The following ACOT7 variants were observed in gnomAD, a reference collection of about 807,000 sequenced individuals.
ACOT7 encodes the protein acyl-CoA thioesterase 7, also known as cytosolic acyl coenzyme A thioester hydrolase.
Under a neutral mutation model 40.2 loss-of-function variants are expected in ACOT7, and 12 were observed. The ratio of observed to expected loss-of-function variants is 0.30; its 90% CI spans 0.19 to 0.48. The LOEUF is 0.48. ACOT7 is among the 20% of genes least tolerant of loss of function. The pLI, the probability that ACOT7 is intolerant of heterozygous loss-of-function variation, is 0.99. For missense variants in ACOT7, 395 were observed against 530.8 expected, an observed-to-expected ratio of 0.74 and a Z score of 2.51; for synonymous variants, 228 against 219.5, an observed-to-expected ratio of 1.04 and a Z score of -0.34.
At chr1:6,342,793 C>T (rs1462478838) in intron 2 of ACOT7, among the ~76,000 whole-genome samples, 3 of 152,212 alleles carry the variant, frequency 2.0e-5, no homozygotes, top group Non-Finnish European at 4.4e-5. Context: ...ATTTTCTGGG[C>T]CCAAGGACAA....
chr1:6,347,501 A>G (rs905024897), intron 2 of ACOT7, among the ~76,000 whole-genome samples: 4 of 152,206 alleles, frequency 2.6e-5, no homozygotes, highest in Non-Finnish European at 4.4e-5. Context: ...GCAGTGGCTC[A>G]CGCCTGTAAT....
chr1:6,359,683 C>T lies in ACOT7; in HGVS notation c.144-9817G>A, dbSNP rs1486650930. 6.6e-6 allele frequency among the ~76,000 whole-genome samples: 1 copy of T among 152,194 alleles called. No individual in the cohort carries two copies. Among genetic ancestry groups the T allele is most frequent in the African/African-American group, 2.4e-5 (1 of 41,450 alleles). Reference sequence around the variant, plus strand: ...ACAATCACAGCGGCCAGGGTGCAGGCTACAGGAGGCCCAGTGCAGGAGGCG... The same window carrying T: ...ACAATCACAGCGGCCAGGGTGCAGGTTACAGGAGGCCCAGTGCAGGAGGCG... On this transcript the variant is annotated intron_variant, in intron 1 of 8. Coordinates refer to ENST00000361521, the MANE Select transcript of ACOT7 (RefSeq NM_007274.4). This position sits in a 1 kb window ranked among gnomAD's most constrained non-coding sequence, Gnocchi z 4.1.
chr1:6,316,917 GC>G (rs1281680553), intron 6 of ACOT7, among the ~76,000 whole-genome samples: 2 of 152,170 alleles, frequency 1.3e-5, no homozygotes, highest in African/African-American at 4.8e-5. Flanking sequence ...GGGTGCTGGA[GC>G]CAACACAAAG....
chr1:6,332,463 T>C (rs534067058), intron 4 of ACOT7, among the ~76,000 whole-genome samples: 1 of 152,352 alleles, frequency 6.6e-6, no homozygotes, highest in East Asian at 1.9e-4. Flanking sequence ...TTCCACAGGC[T>C]TCGCCCACAG....
rs559353559 is a variant in ACOT7, at chr1:6,287,279, C to T, written c.830-5993G>A. On this transcript the variant is annotated intron_variant, in intron 7 of 8. Coordinates refer to ENST00000361521, the MANE Select transcript of ACOT7 (RefSeq NM_007274.4). Reference sequence around the variant, plus strand: ...ATGCCAGGTGGGGTTTAGGCCAGGTCGCTGGGGACACCAAAGCATGGGCTC... The same window carrying T: ...ATGCCAGGTGGGGTTTAGGCCAGGTTGCTGGGGACACCAAAGCATGGGCTC... 1.7e-4 allele frequency among the ~76,000 whole-genome samples: 26 copies of T among 152,372 alleles called. No homozygotes were observed. In the South Asian group the frequency reaches 4.6e-3, roughly 27 times the overall value.
At chr1:6,383,764 G>C (rs1642392039) in intron 1 of ACOT7, among the ~76,000 whole-genome samples, 1 of 151,310 alleles carries the variant, frequency 6.6e-6, no homozygotes, top group Admixed American at 6.6e-5. Context: ...GAGTGCAGTG[G>C]CACGATCTTG....
chr1:6,266,061 C>T (rs1638843047), intron 8 of ACOT7, among the ~76,000 whole-genome samples: 1 of 152,212 alleles, frequency 6.6e-6, no homozygotes, highest in Non-Finnish European at 1.5e-5. Context: ...ATAGGTGGCG[C>T]TCCTTGCAGC....
intron 6 of ACOT7, 50 bp from the exon 7 acceptor site, chr1:6,295,030 T>C: frequency 7.1e-7 from 1 of 1,415,040 alleles, no homozygotes; most frequent in Non-Finnish European, 1.0e-6. Context: ...CAGAGGAGAT[T>C]ATTTCACACC....
At chr1:6,313,469 T>TCAGACGCGCAAC (rs1191400109) in intron 6 of ACOT7, among the ~76,000 whole-genome samples, 11 of 152,176 alleles carry the variant, frequency 7.2e-5, no homozygotes, top group Non-Finnish European at 1.6e-4. Flanking sequence ...ACAAGTCTTT[T>TCAGACGCGCAAC]CAGACGCGCA....
Position 6,306,604 on chromosome 1 carries a change from C to T in ACOT7, c.713-11624G>A. On this transcript the variant is annotated intron_variant, in intron 6 of 8. Transcript: ENST00000361521. This position sits in a 1 kb window ranked among gnomAD's most constrained non-coding sequence, Gnocchi z 4.3. ...ACACCAAGATCCTAGAAGGCGAGTA[C>T]TAGAAGGAATTTAACTGCAGCCTGT... 1.0e-6 allele frequency: 1 copy of T among 985,436 alleles called. No homozygotes were observed. Among genetic ancestry groups the T allele is most frequent in the Middle Eastern group, 5.2e-4 (1 of 1,914 alleles). The allele number at this position is 985,436 out of a possible 1,614,324, so 61.0% of individuals were successfully genotyped here. A position where few individuals can be genotyped will look rare whatever the true frequency, so the allele number is the denominator to read the frequency against.
intron 1 of ACOT7, chr1:6,360,418 T>A: frequency 8.7e-7 from 1 of 1,147,310 alleles, no homozygotes; most frequent in East Asian, 2.6e-5. Context: ...TGGCTGCCCA[T>A]CTCGGCCCAT....
intron 8 of ACOT7, among the ~76,000 whole-genome samples, chr1:6,276,343 A>G (rs944996777): frequency 5.3e-5 from 8 of 152,040 alleles, no homozygotes; most frequent in Non-Finnish European, 1.2e-4. Flanking sequence ...CCACTTCTCC[A>G]GCCCCCTTCG....
chr1:6,330,656 G>A lies in ACOT7; in HGVS notation c.510+2821C>T, dbSNP rs529592736. ...AGCTAATTACTGGGCAAGGAGAGGCGAGGCTAACAGGGGCCACGCTGAAAG... is the reference window on the plus strand; with the variant it reads ...AGCTAATTACTGGGCAAGGAGAGGCAAGGCTAACAGGGGCCACGCTGAAAG... On this transcript the variant is annotated intron_variant, in intron 4 of 8. Coordinates refer to ENST00000361521, the MANE Select transcript of ACOT7 (RefSeq NM_007274.4). This position sits in a 1 kb window ranked among gnomAD's most constrained non-coding sequence, Gnocchi z 4.6. 2.0e-5 allele frequency among the ~76,000 whole-genome samples: 3 copies of A among 152,268 alleles called. No individual in the cohort carries two copies. The highest frequency in any genetic ancestry group is 1.3e-4 in the Admixed American group (2 of 15,294).
chr1:6,264,706 C>A lies in ACOT7; in HGVS notation c.1015-11G>T, dbSNP rs1236933824. ...GTCCTCGGTCTCGGGCTGTGGACCA[C>A]ACACAGAGACAGGCAGGTTAGGGTC... On this transcript the variant is annotated splice_polypyrimidine_tract_variant and intron_variant, in intron 8 of 8. Transcript: ENST00000361521. 6.2e-7 allele frequency: 1 copy of A among 1,612,294 alleles called. No individual in the cohort carries two copies. The highest frequency in any genetic ancestry group is 1.3e-5 in the African/African-American group (1 of 74,938).
At chr1:6,332,530 C>T (rs904075029) in intron 4 of ACOT7, among the ~76,000 whole-genome samples, 1 of 152,220 alleles carries the variant, frequency 6.6e-6, no homozygotes, top group African/African-American at 2.4e-5. Flanking sequence ...ATGAAAGGTG[C>T]TTCTGCCGGG....
chr1:6,392,879 C>T (rs78576090), intron 1 of ACOT7, among the ~76,000 whole-genome samples: 4 of 152,180 alleles, frequency 2.6e-5, no homozygotes, highest in African/African-American at 9.6e-5. Context: ...GGGGCTGAGG[C>T]TCCGGGATGC....
chr1:6,305,291 CAGAGGGG>C, intron 6 of ACOT7, among the ~76,000 whole-genome samples: 1 of 127,186 alleles, frequency 7.9e-6, no homozygotes, highest in Non-Finnish European at 1.8e-5. Flanking sequence ...GCTGTCCGGG[CAGAGGGG>C]CTCCTCACTT....
At chr1:6,361,721 C>T (rs867363671) in intron 1 of ACOT7, among the ~76,000 whole-genome samples, 6 of 152,144 alleles carry the variant, frequency 3.9e-5, no homozygotes, top group Non-Finnish European at 2.9e-5. Flanking sequence ...CACCTGAACC[C>T]AGGAGGCGGA....
intron 1 of ACOT7, among the ~76,000 whole-genome samples, chr1:6,382,172 G>C (rs1642350860): frequency 6.6e-6 from 1 of 150,914 alleles, no homozygotes; most frequent in South Asian, 2.1e-4. Context: ...CCAACACTTT[G>C]GGAGGCCGAG....
Sources: allele counts gnomAD v4.1 joint callset (sites outside exome capture counted in the v4.1 genomes callset), GRCh38; gene constraint gnomAD v4.1.1; non-coding constraint Gnocchi (gnomAD v3.1); transcripts MANE v1.5; gene names NCBI Gene and HGNC (gene_info 2026-07-23, HGNC 2026-07-21).